The following PRSS55 variants were observed in gnomAD, a reference collection of about 807,000 sequenced individuals.
PRSS55 encodes serine protease 55.
In PRSS55, 41 loss-of-function variants were observed where a neutral mutation model predicts 23.6. The ratio of observed to expected loss-of-function variants is 1.74; its 90% CI spans 1.35 to 2.26. The LOEUF (loss-of-function observed/expected upper bound fraction) is 2.26, where lower values mean the gene tolerates loss of function less well. Ranked by LOEUF, PRSS55 falls within the 30% of genes most tolerant of loss-of-function variation. PRSS55 has a pLI of 0.00. For synonymous variants in PRSS55, 262 were observed against 175.5 expected, an observed-to-expected ratio of 1.49 and a Z score of -3.90; for missense variants, 669 against 439.1, an observed-to-expected ratio of 1.52 and a Z score of -4.68.
intron 4 of PRSS55, among the ~76,000 whole-genome samples, chr8:10,552,994 A>G (rs1404811341): frequency 1.3e-5 from 2 of 152,274 alleles, no homozygotes; most frequent in Non-Finnish European, 2.9e-5. Flanking sequence ...CATAATAGCC[A>G]AGACATGAGA....
Position 10,538,813 on chromosome 8 carries a change from C to A in PRSS55, c.*20C>A. On this transcript the variant is annotated 3_prime_UTR_variant, in exon 5 of 5. Transcript: ENST00000328655. ...TACTGATAATAAAATAGAGGCTATT[C>A]TTTCAACCGAGGGAGGGTGCATGCA... is the stretch of plus-strand genomic sequence containing the variant. 1 of 1,530,074 alleles carries A rather than the reference C, an allele frequency of 6.5e-7. No individual in the cohort carries two copies. Among genetic ancestry groups the A allele is most frequent in the South Asian group, 1.3e-5 (1 of 76,286 alleles). The allele number at this position is 1,530,074 out of a possible 1,614,324, so 94.8% of individuals were successfully genotyped here.
At chr8:10,532,072 C>T (rs902377995) in intron 3 of PRSS55, among the ~76,000 whole-genome samples, 5 of 152,104 alleles carry the variant, frequency 3.3e-5, no homozygotes, top group Non-Finnish European at 7.4e-5. Flanking sequence ...AAAAACCCAA[C>T]AAAACCAAAA....
chr8:10,547,952 G>A (rs1450598153), intron 4 of PRSS55, among the ~76,000 whole-genome samples: 1 of 140,582 alleles, frequency 7.1e-6, no homozygotes, highest in Non-Finnish European at 1.6e-5. Context: ...AGGCACAGAG[G>A]AGAACAGGGA....
chr8:10,541,384 C>G (rs948475096), downstream of PRSS55: 1 of 152,220 alleles, frequency 6.6e-6, no homozygotes, highest in Non-Finnish European at 1.5e-5. Flanking sequence ...GATTGGCCTC[C>G]CCACACAAGA....
intron 4 of PRSS55, among the ~76,000 whole-genome samples, chr8:10,543,902 C>T (rs1812742158): frequency 6.6e-6 from 1 of 152,160 alleles, no homozygotes; most frequent in Non-Finnish European, 1.5e-5. Context: ...TGTATTATTT[C>T]AATCCTTTTA....
At chr8:10,540,226 C>G (rs10088572), downstream of PRSS55, 6 of 152,208 alleles carry the variant, frequency 3.9e-5, no homozygotes, top group Admixed American at 3.9e-4. Context: ...AGAAGTCCCT[C>G]GAGAACGTGT....
At chr8:10,537,213 T>C (rs1240900235) in intron 4 of PRSS55, among the ~76,000 whole-genome samples, 2 of 152,188 alleles carry the variant, frequency 1.3e-5, no homozygotes, top group Non-Finnish European at 1.5e-5. Flanking sequence ...ATAGCCAAGA[T>C]TTGGAACCAA....
At chr8:10,529,752 C>T in intron 2 of PRSS55, 53 bp downstream of exon 2, 16 of 1,542,416 alleles carry the variant, frequency 1.0e-5, no homozygotes, top group Non-Finnish European at 1.4e-5. Flanking sequence ...ACCCCTGGGG[C>T]ACCCTCCCCC....
chr8:10,553,603 T>G (rs1018235605), intron 4 of PRSS55, among the ~76,000 whole-genome samples: 2 of 152,150 alleles, frequency 1.3e-5, no homozygotes, highest in African/African-American at 4.8e-5. Flanking sequence ...AAATGTGAAC[T>G]CATAGAATCG....
chr8:10,533,306 CA>C (rs111651001), intron 4 of PRSS55, among the ~76,000 whole-genome samples: 11,533 of 152,194 alleles, frequency 0.076, 477 homozygotes, highest in Non-Finnish European at 0.095. Flanking sequence ...AAAAGGACGC[CA>C]AGGCTTTTCT....
chr8:10,525,907 T>C lies in PRSS55; in HGVS notation c.154+168T>C, dbSNP rs146735426. Among the ~76,000 whole-genome samples, 288 of 152,322 alleles carry C rather than the reference T, an allele frequency of 1.9e-3. 2 individuals are homozygous for C. Among genetic ancestry groups the C allele is most frequent in the African/African-American group, 6.5e-3 (269 of 41,574 alleles). ...TCTCTCCCCTGGCCCAGTGTTTGAC[T>C]TGTCTAACCCTGAGTTTTGGTTTTG... On this transcript the variant is annotated intron_variant, in intron 1 of 4. Transcript: ENST00000328655.
chr8:10,539,627 C>G (rs1390147865), downstream of PRSS55, among the ~76,000 whole-genome samples: 1 of 152,142 alleles, frequency 6.6e-6, no homozygotes, highest in East Asian at 1.9e-4. Context: ...GAGGTTTCCC[C>G]ATACTGTTCT....
downstream of PRSS55, chr8:10,540,354 T>C (rs1055912064): frequency 6.6e-6 from 1 of 152,244 alleles, no homozygotes; most frequent in African/African-American, 2.4e-5. Context: ...AATCCTTAAA[T>C]GGAAGCTTGG....
chr8:10,538,609 A>G lies in PRSS55; in HGVS notation c.875A>G (p.Asn292Ser). The G allele has an allele frequency of 6.2e-7, 1 of 1,614,070 alleles. No homozygotes were observed. The highest frequency in any genetic ancestry group is 8.5e-7 in the Non-Finnish European group (1 of 1,180,002). Residue 292 changes from asparagine to serine, a missense_variant, in exon 5 of 5, where the codon AAC becomes AGC. Coordinates refer to ENST00000328655, the MANE Select transcript of PRSS55 (RefSeq NM_198464.4). ...ATATACACCTCGTTGGTGAACTACA[A>G]CCTCTGGATCGAGAAAGTGACCCAG... The part of the protein sequence containing the change: ...PGIYTSLVNY[N>S]LWIEKVTQLE...
At chr8:10,529,940 A>G (rs1255575688) in intron 2 of PRSS55, among the ~76,000 whole-genome samples, 2 of 152,010 alleles carry the variant, frequency 1.3e-5, no homozygotes, top group Non-Finnish European at 2.9e-5. Context: ...GGTCACACCT[A>G]CCCTCTCCCG....
In PRSS55 at chr8:10,529,658, G is replaced by T. The variant is rs765978923; in HGVS notation, c.306G>T (p.Trp102Cys). 1 of 1,614,202 alleles carries T rather than the reference G, an allele frequency of 6.2e-7. No individual in the cohort carries two copies. Among genetic ancestry groups the T allele is most frequent in the African/African-American group, 1.3e-5 (1 of 75,060 alleles). Residue 102 changes from tryptophan (W) to cysteine (C), a missense_variant, in exon 2 of 5, where the codon TGG becomes TGT. Physicochemically the swap from Trp to Cys is radical, Grantham distance 215. Transcript: ENST00000328655. ...GCGGCTCCATCCTCAACAAGTGGTG[G>T]ATTCTCACTGCGGCTCACTGCTTAT... ...FCGGSILNKW[W>C]ILTAAHCLYS...
intron 2 of PRSS55, among the ~76,000 whole-genome samples, chr8:10,530,234 C>G (rs558241227): frequency 2.0e-5 from 3 of 152,232 alleles, no homozygotes; most frequent in Non-Finnish European, 4.4e-5. Context: ...CTTCGGGAGG[C>G]TGAGGCAGGT....
At position 10,529,646 on chromosome 8, in the gene PRSS55, C is replaced by A. The variant is rs774319217; in HGVS notation, c.294C>A (p.Leu98=). The A allele has an allele frequency of 1.9e-6, 3 of 1,614,184 alleles. No homozygotes were observed. The South Asian group carries it at 3.3e-5, about 18-fold the overall frequency. ...AACCTTTCTGTGGCGGCTCCATCCT[C>A]AACAAGTGGTGGATTCTCACTGCGG... ...RSEPFCGGSI[L]NKWWILTAAH... is the part of the protein sequence containing the mutation. Residue 98 remains leucine, a synonymous_variant, in exon 2 of 5, where the codon CTC becomes CTA. Coordinates refer to ENST00000328655, the MANE Select transcript of PRSS55 (RefSeq NM_198464.4).
chr8:10,544,092 G>C (rs1366544835), intron 4 of PRSS55, among the ~76,000 whole-genome samples: 1 of 152,040 alleles, frequency 6.6e-6, no homozygotes, highest in Non-Finnish European at 1.5e-5. Context: ...CTTCTGTATA[G>C]TTGTTCTATC....
Sources: gnomAD v4.1 joint callset for allele counts (sites outside exome capture counted in the v4.1 genomes callset) on GRCh38, gnomAD v4.1.1 for gene constraint, MANE v1.5 for transcripts, NCBI Gene and HGNC (gene_info 2026-07-23, HGNC 2026-07-21) for gene names.